MTO1: variants seen among roughly 807,000 people sequenced by gnomAD.
MTO1 encodes the protein mitochondrial tRNA translation optimization 1, also known as 5-taurinomethyluridine-[tRNA] synthase subunit MTO1, mitochondrial.
In MTO1, 46 loss-of-function variants were observed where a neutral mutation model predicts 71.6. The ratio of observed to expected loss-of-function variants is 0.64; its 90% CI spans 0.51 to 0.82. MTO1 has a LOEUF of 0.82. MTO1 is among the 40% of genes least tolerant of loss of function. The pLI, the probability that MTO1 is intolerant of heterozygous loss-of-function variation, is 0.00. For missense variants in MTO1, 773 were observed against 867.5 expected (o/e 0.89, Z 1.37); for synonymous variants, 297 against 312.1 (o/e 0.95, Z 0.51).
intron 3 of MTO1, among the ~76,000 whole-genome samples, chr6:73,467,509 A>G (rs542020802): frequency 6.6e-6 from 1 of 151,928 alleles, no homozygotes; most frequent in African/African-American, 2.4e-5. Context: ...GCTACTCAGG[A>G]GGCTGAGGCC....
At chr6:73,480,482 C>T (rs935073526) in intron 6 of MTO1, 193 bp from the exon 7 acceptor site, 1 of 631,254 alleles carries the variant, frequency 1.6e-6, no homozygotes, top group Non-Finnish European at 2.8e-6. Context: ...GTTGGTCAGG[C>T]TGGTCTCAAA....
Position 73,461,989 on chromosome 6 carries a change from A to G in MTO1, c.135A>G (p.Gly45=). ...TCGACGTGATAGTCATTGGTGGAGG[A>G]CATGCCGGGACTGAGGCAGCCACCG... The part of the protein sequence containing the change: ...PHFDVIVIGG[G]HAGTEAATAA... Residue 45 remains glycine, a synonymous_variant, in exon 1 of 12, where the codon GGA becomes GGG. Transcript: ENST00000498286. 1 of 1,614,082 alleles carries G rather than the reference A, an allele frequency of 6.2e-7. No homozygotes were observed. The highest frequency in any genetic ancestry group is 1.3e-5 in the African/African-American group (1 of 75,028).
At position 73,482,273 on chromosome 6, in the gene MTO1, G is replaced by A. The variant is rs574257719; in HGVS notation, c.1465+29G>A. 5.6e-6 allele frequency: 9 copies of A among 1,610,352 alleles called. No homozygotes were observed. In the South Asian group the frequency reaches 8.8e-5, roughly 16 times the overall value. ...ACTCTTTCCTGAGTCCTGCAATCCA[G>A]CCAGGCATGGTGGCTCACACCTATA... On this transcript the variant is annotated intron_variant, in intron 8 of 11. Coordinates refer to ENST00000498286, the MANE Select transcript of MTO1 (RefSeq NM_012123.4).
chr6:73,495,597 C>T lies in MTO1; in HGVS notation c.1757-2139C>T, dbSNP rs142786721. Among the ~76,000 whole-genome samples the T allele has an allele frequency of 1.4e-3, 215 of 151,846 alleles. 5 individuals carry two copies. In the East Asian group the frequency reaches 0.021, roughly 15 times the overall value. The stretch of plus-strand genomic sequence containing the variant: ...AACTATACTAGATTGAAATATAACA[C>T]ATATCAGTGGTTTTCAGATTGCTAC... On this transcript the variant is annotated intron_variant, in intron 10 of 11. Transcript: ENST00000498286.
chr6:73,476,969 G>A (rs1413008377), intron 4 of MTO1, among the ~76,000 whole-genome samples: 1 of 151,906 alleles, frequency 6.6e-6, no homozygotes, highest in Non-Finnish European at 1.5e-5. Flanking sequence ...TGTAGTTTTA[G>A]TGGAGACAGG....
Position 73,477,407 on chromosome 6 carries a change from A to G in MTO1, c.826-2325A>G, listed in dbSNP as rs542501787. On this transcript the variant is annotated intron_variant, in intron 4 of 11. Transcript: ENST00000498286. ...AGACTATGTCTCAAAAAAAAAAAAAAAAAAAAAAGAAATTCGGAGAATTTA... is the reference window on the plus strand; with the variant it reads ...AGACTATGTCTCAAAAAAAAAAAAAGAAAAAAAAGAAATTCGGAGAATTTA... Among the ~76,000 whole-genome samples, 29 of 151,566 alleles carry G rather than the reference A, an allele frequency of 1.9e-4. No individual in the cohort carries two copies. In the South Asian group the frequency reaches 6.0e-3, roughly 32 times the overall value.
chr6:73,507,871 GGAGGCT>G lies in MTO1; in HGVS notation c.*7142_*7147del, dbSNP rs1772330792. 6.6e-6 allele frequency: 1 copy of G among 151,924 alleles called. No homozygotes were observed. Among genetic ancestry groups the G allele is most frequent in the South Asian group, 2.1e-4 (1 of 4,812 alleles). 9.4% of individuals were successfully genotyped at this position (151,924 alleles called of 1,614,324 possible). On this transcript the variant is annotated 3_prime_UTR_variant, in exon 12 of 12. Transcript: ENST00000498286. ...GCGCGCCTGTAGTCCCAGCTACTCGGGAGGCTGAGGCAGGAGAATGGCGTGAAGCCA... is the reference window on the plus strand; with the variant it reads ...GCGCGCCTGTAGTCCCAGCTACTCGGGAGGCAGGAGAATGGCGTGAAGCCA...
At chr6:73,499,534 AAG>A (rs1357542902) in intron 11 of MTO1, among the ~76,000 whole-genome samples, 1 of 151,746 alleles carries the variant, frequency 6.6e-6, no homozygotes, top group Non-Finnish European at 1.5e-5. Context: ...AAAAAAAAAA[AAG>A]AAAAAAATTA....
chr6:73,492,354 T>C lies in MTO1; in HGVS notation c.1756+2T>C, dbSNP rs1368119296. 6.3e-7 allele frequency: 1 copy of C among 1,583,422 alleles called. No individual in the cohort carries two copies. Among genetic ancestry groups the C allele is most frequent in the Non-Finnish European group, 8.7e-7 (1 of 1,152,572 alleles). The stretch of plus-strand genomic sequence containing the variant: ...TGGCTGAAAGACTGAAAATAGAAGG[T>C]AGAAAATAATTTTTGACTTAACATA... On this transcript the variant is annotated splice_donor_variant, in intron 10 of 11. Coordinates refer to ENST00000498286, the MANE Select transcript of MTO1 (RefSeq NM_012123.4). LOFTEE classifies it high-confidence loss of function.
At chr6:73,466,995 A>C in intron 3 of MTO1, among the ~76,000 whole-genome samples, 1 of 151,480 alleles carries the variant, frequency 6.6e-6, no homozygotes, top group Admixed American at 6.6e-5. Context: ...TATCAAAATA[A>C]CTCATGCATA....
rs1441798436 is a variant in MTO1 at position 73,502,151 on chromosome 6, T to C, written c.*1416T>C. The C allele has an allele frequency of 6.6e-6, 1 of 152,202 alleles. No homozygotes were observed. The highest frequency in any genetic ancestry group is 2.4e-5 in the African/African-American group (1 of 41,460). The allele number at this position is 152,202 out of a possible 1,614,324, so 9.4% of individuals were successfully genotyped here. On this transcript the variant is annotated 3_prime_UTR_variant, in exon 12 of 12. Coordinates refer to ENST00000498286, the MANE Select transcript of MTO1 (RefSeq NM_012123.4). ...ATTACAATACCACATTGTGTATATA[T>C]TTTGAAAAGAGGCTGGTTGCAGCAG...
At chr6:73,467,924 G>A (rs139629456) in intron 3 of MTO1, among the ~76,000 whole-genome samples, 3,171 of 151,900 alleles carry the variant, frequency 0.021, 95 homozygotes, top group African/African-American at 0.066. Flanking sequence ...GGGTTCAAGC[G>A]ATTCTCCTGC....
At chr6:73,478,543 C>A (rs1011047069) in intron 4 of MTO1, among the ~76,000 whole-genome samples, 4 of 152,062 alleles carry the variant, frequency 2.6e-5, no homozygotes, top group South Asian at 2.1e-4. Flanking sequence ...ATTATGATAA[C>A]CCTTTCTTCT....
In MTO1 at chr6:73,469,411, G is replaced by T. The variant is rs952567149; in HGVS notation, c.535+2805G>T. ...AGGCTGAGGCGGGCGGATCACTGAG[G>T]TCAGGAGTTTGAGACTAGCCTGGCC... On this transcript the variant is annotated intron_variant, in intron 3 of 11. Transcript: ENST00000498286. 2.0e-5 allele frequency among the ~76,000 whole-genome samples: 3 copies of T among 151,918 alleles called. No homozygotes were observed. The South Asian group carries it at 6.2e-4, about 32-fold the overall frequency.
At chr6:73,498,017 C>A in intron 11 of MTO1, 121 bp downstream of exon 11, 1 of 882,184 alleles carries the variant, frequency 1.1e-6, no homozygotes, top group Non-Finnish European at 1.6e-6. Context: ...AAGAAACTTC[C>A]AGCATGGGCA....
intron 4 of MTO1, among the ~76,000 whole-genome samples, chr6:73,479,402 G>A (rs1771423693): frequency 6.6e-6 from 1 of 152,088 alleles, no homozygotes; most frequent in African/African-American, 2.4e-5. Context: ...GGCTGAGGCA[G>A]GAGAATCGCT....
Position 73,498,081 on chromosome 6 carries a change from C to CA in MTO1, c.1917+186dup, listed in dbSNP as rs1302875038. The stretch of plus-strand genomic sequence containing the variant: ...TACAAAAATTAGCTGGGCATGGTGG[C>CA]ATGCACCTGCAGCGCCAGCTACTCG... On this transcript the variant is annotated intron_variant, in intron 11 of 11. Transcript: ENST00000498286. 4.6e-5 allele frequency among the ~76,000 whole-genome samples: 7 copies of CA among 152,156 alleles called. No homozygotes were observed. In the East Asian group the frequency reaches 1.4e-3, roughly 29 times the overall value.
intron 1 of MTO1, among the ~76,000 whole-genome samples, chr6:73,462,866 C>T (rs970349614): frequency 2.6e-5 from 4 of 152,084 alleles, no homozygotes; most frequent in African/African-American, 9.7e-5. Flanking sequence ...TAGGCACGAT[C>T]GTTGCACATT....
chr6:73,487,187 C>G lies in MTO1; in HGVS notation c.1637+4567C>G, dbSNP rs534031945. 1.9e-4 allele frequency among the ~76,000 whole-genome samples: 27 copies of G among 140,378 alleles called. No individual in the cohort carries two copies. The Admixed American group carries it at 2.0e-3, about 10-fold the overall frequency. 92.1% of individuals were successfully genotyped at this position (140,378 alleles called of 152,430 possible). A position where few individuals can be genotyped will look rare whatever the true frequency, so the allele number is the denominator to read the frequency against. On this transcript the variant is annotated intron_variant, in intron 9 of 11. Transcript: ENST00000498286. ...GGGTATACAAAGATATCTTCAAGAC[C>G]CTGCTTTCAATTTTTTTTTTTTTTT... is the stretch of plus-strand genomic sequence containing the variant.
Sources: allele counts gnomAD v4.1 joint callset (sites outside exome capture counted in the v4.1 genomes callset), GRCh38; gene constraint gnomAD v4.1.1; transcripts MANE v1.5; gene names NCBI Gene and HGNC (gene_info 2026-07-23, HGNC 2026-07-21).